GRM7: variants seen among roughly 807,000 people sequenced by gnomAD.
The protein encoded by GRM7 is glutamate metabotropic receptor 7.
Under a neutral mutation model 84.5 loss-of-function variants are expected in GRM7, and 35 were observed. That is an observed-to-expected ratio of 0.41 (90% confidence interval 0.32 to 0.55). The LOEUF (loss-of-function observed/expected upper bound fraction) is 0.55. Among genes scored for constraint, GRM7 ranks in the 20% least tolerant of loss-of-function variants. The pLI, the probability that GRM7 is intolerant of heterozygous loss-of-function variation, is 0.19. For synonymous variants in GRM7, 487 were observed against 455.1 expected (o/e 1.07, Z -0.89); for missense variants, 1,003 against 1,194.6 (o/e 0.84, Z 2.36).
At chr3:7,532,849 T>A (rs1410505490) in intron 7 of GRM7, among the ~76,000 whole-genome samples, 35 of 96,174 alleles carry the variant, frequency 3.6e-4, no homozygotes, top group Non-Finnish European at 4.1e-4. Flanking sequence ...TAGTCTCTGA[T>A]AAAACAGACT....
At chr3:7,511,989 A>G (rs979359755) in intron 7 of GRM7, among the ~76,000 whole-genome samples, 1 of 152,118 alleles carries the variant, frequency 6.6e-6, no homozygotes, top group African/African-American at 2.4e-5. Context: ...AAAAATAATA[A>G]AAAATATTAG....
intron 7 of GRM7, among the ~76,000 whole-genome samples, chr3:7,569,740 C>T (rs552224574): frequency 7.2e-5 from 11 of 152,262 alleles, no homozygotes; most frequent in African/African-American, 2.4e-4. Context: ...GAAGGAACAA[C>T]TCCAGACACA....
Position 7,086,479 on chromosome 3 carries a change from G to T in GRM7, c.520-59973G>T, listed in dbSNP as rs79191600. ...TTAAAGTAGTAAGTGAGAACATTGG[G>T]TTTCTAGAAGGCAAAAGTGAAGAAT... On this transcript the variant is annotated intron_variant, in intron 1 of 9. Coordinates refer to ENST00000357716, the MANE Select transcript of GRM7 (RefSeq NM_000844.4). Among the ~76,000 whole-genome samples the T allele has an allele frequency of 6.3e-3, 953 of 152,168 alleles. 3 individuals are homozygous for T. Among genetic ancestry groups the T allele is most frequent in the Admixed American group, 0.012 (188 of 15,270 alleles).
intron 1 of GRM7, among the ~76,000 whole-genome samples, chr3:6,919,871 C>G (rs1160186688): frequency 1.3e-5 from 2 of 152,116 alleles, no homozygotes; most frequent in African/African-American, 4.8e-5. Flanking sequence ...AGGAATGTGC[C>G]TGTTCCACTT....
intron 5 of GRM7, among the ~76,000 whole-genome samples, chr3:7,438,202 A>G (rs11712265): frequency 0.12 from 18,304 of 151,968 alleles, 1,358 homozygotes; most frequent in South Asian, 0.29. Context: ...AGGTGCCAGG[A>G]TAGACATTGT....
At chr3:7,038,755 A>G (rs1696479692) in intron 1 of GRM7, among the ~76,000 whole-genome samples, 1 of 152,164 alleles carries the variant, frequency 6.6e-6, no homozygotes, top group Admixed American at 6.5e-5. Flanking sequence ...ATTTTATTTT[A>G]CTGATGAGGA....
intron 4 of GRM7, among the ~76,000 whole-genome samples, chr3:7,334,657 C>G (rs1426816508): frequency 5.3e-5 from 8 of 152,048 alleles, no homozygotes. Context: ...AACCAAGTAT[C>G]TGCTGTCTTC....
intron 8 of GRM7, among the ~76,000 whole-genome samples, chr3:7,599,068 A>G (rs1054098688): frequency 1.4e-4 from 21 of 152,158 alleles, no homozygotes; most frequent in African/African-American, 4.8e-5. Context: ...AAGCCCTTTT[A>G]TTATACAGAT....
At chr3:7,562,018 AAACTCC>A (rs1179675754) in intron 7 of GRM7, among the ~76,000 whole-genome samples, 2 of 152,120 alleles carry the variant, frequency 1.3e-5, no homozygotes, top group African/African-American at 4.8e-5. Flanking sequence ...ACTGAGTTTG[AAACTCC>A]AACTGCTTGA....
intron 1 of GRM7, among the ~76,000 whole-genome samples, chr3:6,954,630 C>T (rs1021211443): frequency 6.6e-6 from 1 of 152,116 alleles, no homozygotes; most frequent in Non-Finnish European, 1.5e-5. Context: ...TACTTACTAG[C>T]CCTGTGAGCT....
At chr3:7,074,530 A>C (rs1697995732) in intron 1 of GRM7, among the ~76,000 whole-genome samples, 1 of 152,044 alleles carries the variant, frequency 6.6e-6, no homozygotes, top group South Asian at 2.1e-4. Flanking sequence ...AAATCTAAGA[A>C]TTAGCCCTAC....
rs115584360 is a variant in GRM7, at chr3:7,283,114, A to G, written c.737-15570A>G. Among the ~76,000 whole-genome samples, 22 of 152,098 alleles carry G rather than the reference A, an allele frequency of 1.4e-4. 1 individual carries two copies. The highest frequency in any genetic ancestry group is 3.4e-3 in the Middle Eastern group (1 of 294). ...ACATGACCTCGATTTTAATCTCTCT[A>G]ACATTAGTTTCGAAGTTCTGAGTTG... On this transcript the variant is annotated intron_variant, in intron 2 of 9. Transcript: ENST00000357716.
rs1693381085 is a variant in GRM7 at position 7,125,843 on chromosome 3, TTCTTCTC to T, written c.520-20608_520-20602del. Among the ~76,000 whole-genome samples the T allele has an allele frequency of 2.0e-5, 3 of 152,202 alleles. No individual in the cohort carries two copies. The South Asian group carries it at 6.2e-4, about 32-fold the overall frequency. ...GTTGCTGTCATCTTTGCAACTGCTTTTCTTCTCAGGGCAGTGAACCAGCTAACTACAC... is the reference window on the plus strand; with the variant it reads ...GTTGCTGTCATCTTTGCAACTGCTTTAGGGCAGTGAACCAGCTAACTACAC... On this transcript the variant is annotated intron_variant, in intron 1 of 9. Coordinates refer to ENST00000357716, the MANE Select transcript of GRM7 (RefSeq NM_000844.4).
At chr3:7,027,313 C>T (rs1332687461) in intron 1 of GRM7, among the ~76,000 whole-genome samples, 3 of 152,084 alleles carry the variant, frequency 2.0e-5, no homozygotes, top group African/African-American at 7.2e-5. Context: ...TCTTAAAAAT[C>T]TAAACATCTA....
At chr3:6,866,447 C>T (rs1694941467) in intron 1 of GRM7, among the ~76,000 whole-genome samples, 1 of 152,068 alleles carries the variant, frequency 6.6e-6, no homozygotes. Context: ...TTCCAGCTCC[C>T]ACTTTTGGTG....
intron 4 of GRM7, among the ~76,000 whole-genome samples, chr3:7,347,116 C>T (rs1237600646): frequency 6.6e-6 from 1 of 152,058 alleles, no homozygotes; most frequent in African/African-American, 2.4e-5. Flanking sequence ...TCAATCAATC[C>T]AGGTCACTTA....
At chr3:7,683,542 T>C (rs906046160) in intron 9 of GRM7, among the ~76,000 whole-genome samples, 1 of 152,140 alleles carries the variant, frequency 6.6e-6, no homozygotes, top group African/African-American at 2.4e-5. Context: ...CCTCCAAACA[T>C]TGGGGTTTCT....
At chr3:7,111,243 G>A (rs1481222642) in intron 1 of GRM7, among the ~76,000 whole-genome samples, 2 of 152,104 alleles carry the variant, frequency 1.3e-5, no homozygotes, top group Admixed American at 6.6e-5. Context: ...ATGTTAAGCA[G>A]GATGACACAT....
chr3:7,433,502 A>G (rs1170503579), intron 5 of GRM7, among the ~76,000 whole-genome samples: 1 of 152,212 alleles, frequency 6.6e-6, no homozygotes, highest in Non-Finnish European at 1.5e-5. Flanking sequence ...TAGGCCAGGT[A>G]GAAGGGTATG....
Sources: gnomAD v4.1 joint callset for allele counts (sites outside exome capture counted in the v4.1 genomes callset) on GRCh38, gnomAD v4.1.1 for gene constraint, MANE v1.5 for transcripts, NCBI Gene and HGNC (gene_info 2026-07-23, HGNC 2026-07-21) for gene names.